CEPT1: variants seen among roughly 807,000 people sequenced by gnomAD.
The protein encoded by CEPT1 is choline/ethanolaminephosphotransferase 1.
Under a neutral mutation model 42.6 loss-of-function variants are expected in CEPT1, and 7 were observed. The ratio of observed to expected loss-of-function variants is 0.16; its 90% CI spans 0.09 to 0.31. The LOEUF (loss-of-function observed/expected upper bound fraction) is 0.31, where lower values mean the gene tolerates loss of function less well. Ranked by LOEUF, CEPT1 falls within the 10% of genes least tolerant of loss-of-function variation. The pLI, the probability that CEPT1 is intolerant of heterozygous loss-of-function variation, is 1.00. For synonymous variants in CEPT1, 171 were observed against 171.9 expected (o/e 0.99, Z 0.04); for missense variants, 306 against 502.1 (o/e 0.61, Z 3.73).
intron 1 of CEPT1, among the ~76,000 whole-genome samples, chr1:111,145,875 T>A (rs1415072421): frequency 6.6e-6 from 1 of 152,180 alleles, no homozygotes; most frequent in East Asian, 1.9e-4. Flanking sequence ...AGGACCACCC[T>A]GCAAAGGCAG....
chr1:111,183,452 T>G lies in CEPT1; in HGVS notation c.1006-10T>G. On this transcript the variant is annotated splice_polypyrimidine_tract_variant and intron_variant, in intron 7 of 8. Coordinates refer to ENST00000357172, the MANE Select transcript of CEPT1 (RefSeq NM_006090.5). ...ATGAAAATGCCTACGTTATTCTGTT[T>G]TATTCATAGGTTGCACACATGACGA... 4.3e-6 allele frequency: 7 copies of G among 1,613,050 alleles called. No homozygotes were observed. The highest frequency in any genetic ancestry group is 5.9e-6 in the Non-Finnish European group (7 of 1,179,150).
At chr1:111,155,490 ATG>A (rs1181419070) in intron 2 of CEPT1, among the ~76,000 whole-genome samples, 1 of 151,366 alleles carries the variant, frequency 6.6e-6, no homozygotes, top group Non-Finnish European at 1.5e-5. Flanking sequence ...GACACATGCC[ATG>A]TGTGTCATAT....
chr1:111,146,002 T>G (rs1369287250), intron 1 of CEPT1, among the ~76,000 whole-genome samples: 1 of 152,200 alleles, frequency 6.6e-6, no homozygotes, highest in African/African-American at 2.4e-5. Flanking sequence ...ACTTTGATTC[T>G]GCTTTGTGGA....
At chr1:111,158,911 T>TCCAACCTGCAGG (rs1557929422) in intron 2 of CEPT1, among the ~76,000 whole-genome samples, 1 of 119,760 alleles carries the variant, frequency 8.4e-6, no homozygotes, top group Non-Finnish European at 1.7e-5. Flanking sequence ...TCTTTTTTTT[T>TCCAACCTGCAGG]TTTTTTTTTT....
chr1:111,177,510 A>G (rs890535135), intron 5 of CEPT1, among the ~76,000 whole-genome samples: 1 of 152,226 alleles, frequency 6.6e-6, no homozygotes, highest in Non-Finnish European at 1.5e-5. Context: ...ATGGAAATGC[A>G]TAAAACATTG....
upstream of CEPT1, chr1:111,139,618 C>G (rs114806973): frequency 3.4e-4 from 52 of 152,374 alleles, no homozygotes; most frequent in African/African-American, 1.2e-3. Context: ...CTGATTTTCT[C>G]CGGAAGCGCG....
chr1:111,172,141 G>T (rs931454245), intron 4 of CEPT1, among the ~76,000 whole-genome samples: 1 of 152,132 alleles, frequency 6.6e-6, no homozygotes, highest in African/African-American at 2.4e-5. Flanking sequence ...ACAACTTTAG[G>T]CTGTAGAAAT....
At chr1:111,167,278 A>C (rs1656188611) in intron 4 of CEPT1, 1 of 984,716 alleles carries the variant, frequency 1.0e-6, no homozygotes. Flanking sequence ...AATAATTAAA[A>C]CATGAAAAAT....
intron 5 of CEPT1, chr1:111,179,976 T>C (rs1378926814): frequency 1.3e-5 from 2 of 152,200 alleles, no homozygotes; most frequent in South Asian, 2.1e-4. Flanking sequence ...CCTAGGTCAA[T>C]AGCTTGCTTC....
chr1:111,183,277 A>T (rs573114933), intron 7 of CEPT1, among the ~76,000 whole-genome samples, 185 bp from the exon 8 acceptor site: 74 of 152,308 alleles, frequency 4.9e-4, no homozygotes, highest in Admixed American at 7.8e-4. Flanking sequence ...TTGTAGGGTT[A>T]GTTGACATGA....
intron 1 of CEPT1, among the ~76,000 whole-genome samples, chr1:111,143,055 AAAT>A (rs1654747597): frequency 6.6e-6 from 1 of 152,240 alleles, no homozygotes. Context: ...CTCAGTTAAC[AAAT>A]AATTTTGGCT....
intron 4 of CEPT1, among the ~76,000 whole-genome samples, chr1:111,171,496 G>A (rs1441003710): frequency 2.6e-5 from 4 of 152,118 alleles, no homozygotes; most frequent in African/African-American, 7.2e-5. Flanking sequence ...AGTTTATTAC[G>A]GGCGTTGAAG....
intron 3 of CEPT1, 27 bp downstream of exon 3, chr1:111,159,554 GATT>G (rs1436268572): frequency 6.3e-7 from 1 of 1,580,816 alleles, no homozygotes; most frequent in Non-Finnish European, 8.6e-7. Context: ...TAATGTTATT[GATT>G]ATTAACAATG....
intron 3 of CEPT1, 107 bp downstream of exon 3, chr1:111,159,634 A>G: frequency 1.2e-6 from 1 of 808,632 alleles, no homozygotes; most frequent in South Asian, 2.4e-5. Flanking sequence ...ATTTTGTATT[A>G]AATTTTAGTA....
intron 4 of CEPT1, among the ~76,000 whole-genome samples, chr1:111,172,159 G>A (rs1487440276): frequency 2.6e-5 from 4 of 152,272 alleles, no homozygotes; most frequent in East Asian, 1.9e-4. Context: ...AATCTAATGC[G>A]ACACATAAGA....
At chr1:111,161,691 T>C (rs1458869617) in intron 4 of CEPT1, among the ~76,000 whole-genome samples, 1 of 152,232 alleles carries the variant, frequency 6.6e-6, no homozygotes, top group Non-Finnish European at 1.5e-5. Context: ...TATTAATTTT[T>C]AGTGTTTCTA....
At chr1:111,171,299 A>G (rs1026688432) in intron 4 of CEPT1, among the ~76,000 whole-genome samples, 3 of 152,208 alleles carry the variant, frequency 2.0e-5, no homozygotes, top group Non-Finnish European at 4.4e-5. Flanking sequence ...CTTCTGATGT[A>G]ATAACTGCCT....
At chr1:111,179,897 G>GT (rs1413211654) in intron 5 of CEPT1, 1 of 152,196 alleles carries the variant, frequency 6.6e-6, no homozygotes, top group Non-Finnish European at 1.5e-5. Flanking sequence ...AGGAGCTTAT[G>GT]TTTTGGTGTA....
intron 4 of CEPT1, among the ~76,000 whole-genome samples, chr1:111,173,689 A>T (rs1656533387): frequency 6.6e-6 from 1 of 152,134 alleles, no homozygotes; most frequent in Non-Finnish European, 1.5e-5. Flanking sequence ...TATACTCCCC[A>T]ATAGGTAGCC....
Sources: allele counts gnomAD v4.1 joint callset (sites outside exome capture counted in the v4.1 genomes callset), GRCh38; gene constraint gnomAD v4.1.1; transcripts MANE v1.5; gene names NCBI Gene and HGNC (gene_info 2026-07-23, HGNC 2026-07-21).